Variants in KCNH1 observed in about 807,000 individuals in gnomAD.
KCNH1 encodes the protein voltage-gated delayed rectifier potassium channel KCNH1.
Under a neutral mutation model 69.2 loss-of-function variants are expected in KCNH1, and 27 were observed. That is an observed-to-expected ratio of 0.39 (90% CI 0.29 to 0.54). The LOEUF (loss-of-function observed/expected upper bound fraction) is 0.54, where lower values mean the gene tolerates loss of function less well. Among genes scored for constraint, KCNH1 ranks in the 20% least tolerant of loss-of-function variants. KCNH1 has a pLI of 0.68. For missense variants in KCNH1, 798 were observed against 1,261.6 expected (o/e 0.63, Z 5.57); for synonymous variants, 456 against 487.7 (o/e 0.93, Z 0.86).
At chr1:211,112,671 CCAAG>C (rs1558609937) in intron 1 of KCNH1, among the ~76,000 whole-genome samples, 1 of 151,988 alleles carries the variant, frequency 6.6e-6, no homozygotes, top group African/African-American at 2.4e-5. Context: ...CACTACTAAC[CCAAG>C]CAAGCAATTA....
intron 8 of KCNH1, among the ~76,000 whole-genome samples, chr1:210,801,427 C>T (rs1234601598): frequency 2.0e-5 from 3 of 152,172 alleles, no homozygotes; most frequent in African/African-American, 2.4e-5. Flanking sequence ...GCAGCCAGCC[C>T]GCTCTGGGCT....
chr1:210,693,202 T>G (rs1197380539), intron 10 of KCNH1, among the ~76,000 whole-genome samples: 1 of 152,184 alleles, frequency 6.6e-6, no homozygotes, highest in African/African-American at 2.4e-5. Context: ...TACTTCCTCT[T>G]CCTGTGGAGT....
chr1:210,892,312 T>C (rs188951552), intron 7 of KCNH1, among the ~76,000 whole-genome samples: 40 of 152,220 alleles, frequency 2.6e-4, no homozygotes, highest in Non-Finnish European at 1.6e-4. Context: ...TGCTTTTGCC[T>C]ATCAGTACCT....
intron 10 of KCNH1, among the ~76,000 whole-genome samples, chr1:210,698,642 T>C (rs563425207): frequency 6.6e-6 from 1 of 152,336 alleles, no homozygotes; most frequent in South Asian, 2.1e-4. Flanking sequence ...CTGATAATGA[T>C]AGTGGCTGCC....
intron 7 of KCNH1, among the ~76,000 whole-genome samples, chr1:210,843,455 G>A (rs1685468628): frequency 6.6e-6 from 1 of 152,182 alleles, no homozygotes; most frequent in Non-Finnish European, 1.5e-5. Flanking sequence ...CATTCTGGCT[G>A]AATGCTGATC....
At chr1:210,822,762 T>C (rs1684956189) in intron 7 of KCNH1, among the ~76,000 whole-genome samples, 1 of 152,138 alleles carries the variant, frequency 6.6e-6, no homozygotes, top group Non-Finnish European at 1.5e-5. Flanking sequence ...TGATCCCCCT[T>C]TCAAGACCCA....
At position 210,684,127 on chromosome 1, in the gene KCNH1, C is replaced by G. The variant is rs1574178663; in HGVS notation, c.2124G>C (p.Arg708=). 1 of 1,508,648 alleles carries G rather than the reference C, an allele frequency of 6.6e-7. No homozygotes were observed. The highest frequency in any genetic ancestry group is 8.9e-7 in the Non-Finnish European group (1 of 1,129,118). The allele number at this position is 1,508,648 out of a possible 1,614,324, so 93.5% of individuals were successfully genotyped here. ...CTTCACGTTTCACATCGCTGATCTT[C>G]CGGAACACAATCTGGAGAGAGAGAG... is the stretch of plus-strand genomic sequence containing the variant. ...TYNLRKRIVF[R]KISDVKREEE... is the part of the protein sequence containing the mutation. The change falls in exon 11 of 11, where the codon CGG becomes CGC. Residue 708 remains arginine, a synonymous_variant. Coordinates refer to ENST00000271751, the MANE Select transcript of KCNH1 (RefSeq NM_172362.3).
chr1:210,985,595 G>C (rs539370447), intron 6 of KCNH1, among the ~76,000 whole-genome samples: 14 of 152,330 alleles, frequency 9.2e-5, no homozygotes, highest in African/African-American at 3.1e-4. Context: ...GAGTGGTTTT[G>C]AGTGAGTTTC....
Position 211,110,577 on chromosome 1 carries a change from T to G in KCNH1, c.80-3200A>C, listed in dbSNP as rs1691442442. ...TTTGAATTTTAAAACCAATACATAA[T>G]AAAGGATGGAATATTTAATTATCAT... On this transcript the variant is annotated intron_variant, in intron 1 of 10. Coordinates refer to ENST00000271751, the MANE Select transcript of KCNH1 (RefSeq NM_172362.3). 2.0e-5 allele frequency among the ~76,000 whole-genome samples: 3 copies of G among 152,148 alleles called. No individual in the cohort carries two copies. In the South Asian group the frequency reaches 6.2e-4, roughly 32 times the overall value.
At chr1:210,778,951 T>C (rs1420627828) in intron 9 of KCNH1, among the ~76,000 whole-genome samples, 1 of 148,834 alleles carries the variant, frequency 6.7e-6, no homozygotes, top group Non-Finnish European at 1.5e-5. Context: ...TAATTACCCA[T>C]ATATCTATAA....
At chr1:210,989,045 G>C (rs745556931) in intron 6 of KCNH1, among the ~76,000 whole-genome samples, 1 of 152,260 alleles carries the variant, frequency 6.6e-6, no homozygotes, top group South Asian at 2.1e-4. Flanking sequence ...TGGTGCTACT[G>C]TCACACATTT....
intron 6 of KCNH1, among the ~76,000 whole-genome samples, chr1:210,987,371 G>A (rs2102385477): frequency 6.6e-6 from 1 of 152,244 alleles, no homozygotes; most frequent in Non-Finnish European, 1.5e-5. Flanking sequence ...GCTTTTTAGA[G>A]TTTCCAGTTT....
At chr1:210,790,806 T>C (rs933602063) in intron 9 of KCNH1, among the ~76,000 whole-genome samples, 12 of 152,140 alleles carry the variant, frequency 7.9e-5, no homozygotes, top group African/African-American at 2.9e-4. Flanking sequence ...ACAAATCACA[T>C]CTGTAATAGT....
At chr1:210,733,579 C>T (rs1170012743) in intron 10 of KCNH1, among the ~76,000 whole-genome samples, 8 of 152,158 alleles carry the variant, frequency 5.3e-5, no homozygotes, top group South Asian at 2.1e-4. Flanking sequence ...AAGGCATTGC[C>T]GTCTGAGAAG....
chr1:210,782,840 G>A (rs1684014388), intron 9 of KCNH1, among the ~76,000 whole-genome samples: 1 of 152,214 alleles, frequency 6.6e-6, no homozygotes, highest in South Asian at 2.1e-4. Flanking sequence ...ATCAGAAAGT[G>A]AACCCTCACA....
At chr1:210,857,405 T>G (rs1214531671) in intron 7 of KCNH1, among the ~76,000 whole-genome samples, 1 of 152,056 alleles carries the variant, frequency 6.6e-6, no homozygotes, top group African/African-American at 2.4e-5. Context: ...CTTTTCTTTT[T>G]GAGACAGGTC....
At chr1:210,814,231 C>T (rs1355802737) in intron 7 of KCNH1, among the ~76,000 whole-genome samples, 1 of 152,056 alleles carries the variant, frequency 6.6e-6, no homozygotes, top group East Asian at 1.9e-4. Context: ...AATACTGGCT[C>T]CACTACCCAC....
intron 7 of KCNH1, among the ~76,000 whole-genome samples, chr1:210,900,130 G>C (rs73071545): frequency 0.053 from 8,018 of 152,266 alleles, 702 homozygotes; most frequent in African/African-American, 0.18. Context: ...AGGAGCTTAA[G>C]AAGAGAGAGA....
chr1:210,787,678 C>T (rs553246548), intron 9 of KCNH1, among the ~76,000 whole-genome samples: 2 of 152,266 alleles, frequency 1.3e-5, no homozygotes, highest in Admixed American at 6.5e-5. Context: ...GCTACAATGT[C>T]GGCCTCACTC....
Sources: gnomAD v4.1 joint callset for allele counts (sites outside exome capture counted in the v4.1 genomes callset) on GRCh38, gnomAD v4.1.1 for gene constraint, MANE v1.5 for transcripts, NCBI Gene and HGNC (gene_info 2026-07-23, HGNC 2026-07-21) for gene names.